MBOAT1: variants seen among roughly 807,000 people sequenced by gnomAD.
MBOAT1 encodes the protein membrane-bound glycerophospholipid O-acyltransferase 1.
In MBOAT1, 67 loss-of-function variants were observed where a neutral mutation model predicts 64.4. The ratio of observed to expected loss-of-function variants is 1.04; its 90% CI spans 0.85 to 1.27. The LOEUF is 1.27. Among genes scored for constraint, MBOAT1 ranks in the 50% most tolerant of loss-of-function variants. MBOAT1 has a pLI of 0.00. For missense variants in MBOAT1, 563 were observed against 604.6 expected, an observed-to-expected ratio of 0.93 and a Z score of 0.72; for synonymous variants, 229 against 218.9, an observed-to-expected ratio of 1.05 and a Z score of -0.41.
chr6:20,114,883 CAAA>C (rs34238970), intron 10 of MBOAT1, among the ~76,000 whole-genome samples: 14,341 of 116,066 alleles, frequency 0.12, 815 homozygotes, highest in African/African-American at 0.19. Context: ...AACTCCTTCT[CAAA>C]AAAAAAAAAA....
intron 1 of MBOAT1, among the ~76,000 whole-genome samples, chr6:20,211,934 A>G (rs1174910947): frequency 6.6e-6 from 1 of 151,452 alleles, no homozygotes; most frequent in Admixed American, 6.6e-5. Context: ...CACACTTACA[A>G]GGAGAAAAAC....
intron 6 of MBOAT1, among the ~76,000 whole-genome samples, chr6:20,127,060 A>T (rs921327992): frequency 6.6e-6 from 1 of 152,172 alleles, no homozygotes; most frequent in Admixed American, 6.5e-5. Flanking sequence ...GCGGAACCTG[A>T]CCTAATGTTA....
At chr6:20,204,908 G>A (rs1197214491) in intron 1 of MBOAT1, among the ~76,000 whole-genome samples, 1 of 152,094 alleles carries the variant, frequency 6.6e-6, no homozygotes, top group African/African-American at 2.4e-5. Context: ...TTGAAATTTG[G>A]GGAACAGGCT....
intron 8 of MBOAT1, among the ~76,000 whole-genome samples, chr6:20,123,891 C>T (rs1226770311): frequency 6.6e-6 from 1 of 150,770 alleles, no homozygotes; most frequent in Non-Finnish European, 1.5e-5. Context: ...CCCATCTCTA[C>T]TAAAAATACA....
intron 12 of MBOAT1, among the ~76,000 whole-genome samples, chr6:20,106,490 T>G (rs889925293): frequency 1.3e-5 from 2 of 152,104 alleles, no homozygotes; most frequent in African/African-American, 4.8e-5. Flanking sequence ...TGGCGTGATC[T>G]CAGCTCACTG....
chr6:20,130,702 A>G lies in MBOAT1; in HGVS notation c.475+442T>C, dbSNP rs1267587943. ...TTATCATTAGATAATTTTCCAAGCC[A>G]AAAAAAAAAACAAACAAAAACCAAC... On this transcript the variant is annotated intron_variant, in intron 5 of 12. Transcript: ENST00000324607. Among the ~76,000 whole-genome samples, 3 of 134,838 alleles carry G rather than the reference A, an allele frequency of 2.2e-5. No homozygotes were observed. The East Asian group carries it at 5.9e-4, about 26-fold the overall frequency. The allele number at this position is 134,838 out of a possible 152,430, so 88.5% of individuals were successfully genotyped here.
At chr6:20,130,221 ATCT>A (rs1383416651) in intron 5 of MBOAT1, among the ~76,000 whole-genome samples, 1 of 152,228 alleles carries the variant, frequency 6.6e-6, no homozygotes, top group East Asian at 1.9e-4. Flanking sequence ...AGCTGAAATA[ATCT>A]TCCTCCTTTT....
At chr6:20,156,250 G>A (rs1039739304) in intron 1 of MBOAT1, among the ~76,000 whole-genome samples, 3 of 145,344 alleles carry the variant, frequency 2.1e-5, no homozygotes, top group Non-Finnish European at 3.0e-5. Context: ...CAGCCTGGGC[G>A]ACAGGGCGAG....
chr6:20,205,998 A>G (rs1414926744), intron 1 of MBOAT1, among the ~76,000 whole-genome samples: 1 of 151,488 alleles, frequency 6.6e-6, no homozygotes, highest in Non-Finnish European at 1.5e-5. Flanking sequence ...TGCTGCCCCT[A>G]ACTTCCTTCT....
rs1310482824 is a variant in MBOAT1, at chr6:20,102,400, A to G, written c.1374T>C (p.Phe458=). ...TCAGGAGACTTATGATGTGCAAATA[A>G]AAGTACATGGACCTGGGAATAAAAA... ...PTISLYKSMY[F]YLHIISLLII... Residue 458 remains phenylalanine (F), a synonymous_variant, in exon 13 of 13, where the codon TTT becomes TTC. Coordinates refer to ENST00000324607, the MANE Select transcript of MBOAT1 (RefSeq NM_001080480.3). 2 of 1,607,936 alleles carry G rather than the reference A, an allele frequency of 1.2e-6. No homozygotes were observed.
chr6:20,168,569 G>C (rs11961067), intron 1 of MBOAT1, among the ~76,000 whole-genome samples: 3 of 107,920 alleles, frequency 2.8e-5, no homozygotes, highest in Middle Eastern at 4.7e-3. Context: ...AAGAGAAAGA[G>C]AGAGAGAGAA....
chr6:20,205,533 C>T (rs1330531789), intron 1 of MBOAT1, among the ~76,000 whole-genome samples: 1 of 152,160 alleles, frequency 6.6e-6, no homozygotes, highest in Non-Finnish European at 1.5e-5. Context: ...CAAATCTAGC[C>T]ACTAGACTGT....
rs79752531 is a variant in MBOAT1 at position 20,119,027 on chromosome 6, A to C, written c.908-487T>G. On this transcript the variant is annotated intron_variant, in intron 8 of 12. Coordinates refer to ENST00000324607, the MANE Select transcript of MBOAT1 (RefSeq NM_001080480.3). ...TAAGAGGCAGTGCTAAATCAGGAGG[A>C]GAACCGGCTCCGCAAGAGTGATTGG... is the stretch of plus-strand genomic sequence containing the variant. 9.1e-3 allele frequency among the ~76,000 whole-genome samples: 1,390 copies of C among 152,292 alleles called. 20 individuals are homozygous for C. The highest frequency in any genetic ancestry group is 0.032 in the African/African-American group (1,324 of 41,540).
intron 1 of MBOAT1, among the ~76,000 whole-genome samples, chr6:20,170,052 A>G (rs999082726): frequency 6.6e-6 from 1 of 152,056 alleles, no homozygotes; most frequent in Non-Finnish European, 1.5e-5. Flanking sequence ...CTGGCACCAC[A>G]TTCCCACAGC....
chr6:20,135,968 G>A (rs575273250), intron 4 of MBOAT1, among the ~76,000 whole-genome samples: 13 of 152,246 alleles, frequency 8.5e-5, no homozygotes, highest in African/African-American at 2.4e-4. Context: ...ACCTGGTAGC[G>A]AGGGACAGAG....
Position 20,151,492 on chromosome 6 carries a change from G to T in MBOAT1, c.246-230C>A, listed in dbSNP as rs544395577. 1.4e-4 allele frequency among the ~76,000 whole-genome samples: 22 copies of T among 152,292 alleles called. 1 individual carries two copies. In the South Asian group the frequency reaches 4.4e-3, roughly 30 times the overall value. On this transcript the variant is annotated intron_variant, in intron 2 of 12. Coordinates refer to ENST00000324607, the MANE Select transcript of MBOAT1 (RefSeq NM_001080480.3). ...CCAACTGCAGGGCTAATAATGTCAG[G>T]AATCCATAAATGGAACGCTTACACT...
At chr6:20,123,975 T>C (rs1422546805) in intron 8 of MBOAT1, among the ~76,000 whole-genome samples, 2 of 152,148 alleles carry the variant, frequency 1.3e-5, no homozygotes, top group Middle Eastern at 3.2e-3. Context: ...GAGAATGGCA[T>C]TAACCCAGGA....
chr6:20,134,821 A>G (rs1760928908), intron 4 of MBOAT1, among the ~76,000 whole-genome samples: 1 of 151,522 alleles, frequency 6.6e-6, no homozygotes, highest in Admixed American at 6.6e-5. Context: ...GATAAAACTT[A>G]AGTATCATCT....
At chr6:20,190,657 T>C (rs1762777381) in intron 1 of MBOAT1, among the ~76,000 whole-genome samples, 1 of 152,210 alleles carries the variant, frequency 6.6e-6, no homozygotes, top group African/African-American at 2.4e-5. Flanking sequence ...GCTTCACATT[T>C]AGGAATCTTT....
Sources: gnomAD v4.1 joint callset for allele counts (sites outside exome capture counted in the v4.1 genomes callset) on GRCh38, gnomAD v4.1.1 for gene constraint, MANE v1.5 for transcripts, NCBI Gene and HGNC (gene_info 2026-07-23, HGNC 2026-07-21) for gene names.